DAB1: variants seen among roughly 807,000 people sequenced by gnomAD.
DAB1 encodes DAB adaptor protein 1, also known as disabled homolog 1.
DAB1 carries 15 observed loss-of-function variants against 64.6 expected under a neutral mutation model. That is an observed-to-expected ratio of 0.23 (90% confidence interval 0.16 to 0.36). The LOEUF is 0.36. Ranked by LOEUF, DAB1 falls within the 10% of genes least tolerant of loss-of-function variation. The pLI is 1.00. For missense variants in DAB1, 596 were observed against 706.7 expected, an observed-to-expected ratio of 0.84 and a Z score of 1.78; for synonymous variants, 235 against 251.9, an observed-to-expected ratio of 0.93 and a Z score of 0.64.
intron 4 of DAB1, among the ~76,000 whole-genome samples, chr1:58,280,869 T>C (rs1463604248): frequency 6.6e-6 from 1 of 152,152 alleles, no homozygotes; most frequent in African/African-American, 2.4e-5. Context: ...GAAAGATATC[T>C]GACAATCTTT....
At chr1:58,171,599 C>T (rs1263758637) in intron 4 of DAB1, among the ~76,000 whole-genome samples, 2 of 152,208 alleles carry the variant, frequency 1.3e-5, no homozygotes, top group Non-Finnish European at 2.9e-5. Context: ...TATTCCCCTG[C>T]ACTCTGACTC....
chr1:58,370,374 CGTGTGTGTGTGTGTGTGTGTGT>C (rs67230027), intron 3 of DAB1, among the ~76,000 whole-genome samples: 7 of 144,456 alleles, frequency 4.8e-5, no homozygotes, highest in East Asian at 2.0e-4. Flanking sequence ...TGAGTGTGTG[CGTGTGTGTGTGTGTGTGTGTGT>C]GTGTGTGTGT....
At chr1:57,624,084 G>A (rs1358372614) in intron 7 of DAB1, among the ~76,000 whole-genome samples, 1 of 152,192 alleles carries the variant, frequency 6.6e-6, no homozygotes, top group Admixed American at 6.5e-5. Context: ...GAGTCAAAGG[G>A]GAGAAAGTCC....
chr1:57,682,381 T>C (rs1646646346), intron 6 of DAB1, among the ~76,000 whole-genome samples: 1 of 147,474 alleles, frequency 6.8e-6, no homozygotes, highest in African/African-American at 2.5e-5. Flanking sequence ...AAAGACAAGA[T>C]GGCCTACTAG....
At chr1:57,844,624 G>C (rs981963455) in intron 1 of DAB1, among the ~76,000 whole-genome samples, 2 of 152,110 alleles carry the variant, frequency 1.3e-5, no homozygotes, top group African/African-American at 4.8e-5. Context: ...TTTCTCTCTG[G>C]TACCTTCTCT....
chr1:57,432,557 G>GT (rs1558373954), intron 7 of DAB1, among the ~76,000 whole-genome samples: 2 of 152,142 alleles, frequency 1.3e-5, no homozygotes, highest in Admixed American at 1.3e-4. Flanking sequence ...CATGAAAAAA[G>GT]TTTTTTGAAA....
intron 2 of DAB1, among the ~76,000 whole-genome samples, chr1:57,160,675 T>C (rs1044058593): frequency 6.6e-5 from 10 of 152,198 alleles, no homozygotes; most frequent in African/African-American, 2.4e-4. Context: ...ACCAGGGTAA[T>C]GAATGAGAAA....
At chr1:57,329,118 C>A (rs1297125441) in intron 1 of DAB1, among the ~76,000 whole-genome samples, 3 of 152,212 alleles carry the variant, frequency 2.0e-5, no homozygotes, top group Non-Finnish European at 2.9e-5. Context: ...CTCACACAGC[C>A]TACAACAATG....
At chr1:57,995,931 T>C (rs560120775) in intron 5 of DAB1, among the ~76,000 whole-genome samples, 1 of 152,118 alleles carries the variant, frequency 6.6e-6, no homozygotes, top group African/African-American at 2.4e-5. Context: ...GGCAAAGTCA[T>C]TGAGCTTCTT....
At chr1:57,384,451 C>T (rs1206902180) in intron 1 of DAB1, among the ~76,000 whole-genome samples, 1 of 152,180 alleles carries the variant, frequency 6.6e-6, no homozygotes, top group African/African-American at 2.4e-5. Context: ...AAGAAGTACG[C>T]ACATTTGTCT....
intron 6 of DAB1, among the ~76,000 whole-genome samples, chr1:57,689,547 C>G (rs1056742001): frequency 6.6e-6 from 1 of 152,192 alleles, no homozygotes; most frequent in African/African-American, 2.4e-5. Context: ...GAGGCCTAAT[C>G]TGAGCATGAT....
rs1644162394 is a variant in DAB1, at chr1:58,361,348, C to G, written n.258-17945G>C. ...GTGTCCCCACTAGGTGCATTCTGCT[C>G]TTCTGCAGATTGGACCACTAAGGAC... On this transcript the variant is annotated intron_variant and non_coding_transcript_variant, in intron 3 of 20. Transcript: ENST00000485760. Among the ~76,000 whole-genome samples the G allele has an allele frequency of 2.0e-5, 3 of 152,232 alleles. No individual in the cohort carries two copies. In the South Asian group the frequency reaches 6.2e-4, roughly 32 times the overall value.
At chr1:57,250,288 G>A (rs1669230348) in intron 2 of DAB1, among the ~76,000 whole-genome samples, 1 of 152,140 alleles carries the variant, frequency 6.6e-6, no homozygotes, top group African/African-American at 2.4e-5. Flanking sequence ...GATGCTGTAC[G>A]CCAATCTGTC....
At chr1:57,379,853 C>G (rs1481294560) in intron 1 of DAB1, among the ~76,000 whole-genome samples, 2 of 152,198 alleles carry the variant, frequency 1.3e-5, no homozygotes, top group Non-Finnish European at 2.9e-5. Context: ...GGCTTGCGTT[C>G]AAAATCTGCT....
intron 3 of DAB1, chr1:58,481,144 G>A: frequency 1.2e-6 from 1 of 863,088 alleles, no homozygotes; most frequent in East Asian, 2.4e-5. Context: ...GACAGTGGTG[G>A]ACAATTACAC....
At chr1:57,661,678 C>T (rs1207620293) in intron 6 of DAB1, among the ~76,000 whole-genome samples, 4 of 152,122 alleles carry the variant, frequency 2.6e-5, no homozygotes, top group African/African-American at 7.2e-5. Flanking sequence ...ATAACCTACA[C>T]ACATCCTCCC....
At chr1:57,774,556 C>G (rs368363305) in intron 6 of DAB1, among the ~76,000 whole-genome samples, 3 of 151,748 alleles carry the variant, frequency 2.0e-5, no homozygotes, top group African/African-American at 7.2e-5. Flanking sequence ...CATAGATGCC[C>G]TTTATTAGCT....
At chr1:57,215,553 T>G (rs1469427890) in intron 2 of DAB1, among the ~76,000 whole-genome samples, 1 of 152,202 alleles carries the variant, frequency 6.6e-6, no homozygotes, top group Non-Finnish European at 1.5e-5. Context: ...GACCGTGAAT[T>G]TTGTGTTCAA....
At chr1:57,070,399 G>A (rs3768192) in intron 7 of DAB1, among the ~76,000 whole-genome samples, 33,882 of 152,006 alleles carry the variant, frequency 0.22, 4,273 homozygotes, top group East Asian at 0.48. Context: ...CAGACCACAT[G>A]CTTGACCTCA....
Sources: gnomAD v4.1 joint callset for allele counts (sites outside exome capture counted in the v4.1 genomes callset) on GRCh38, gnomAD v4.1.1 for gene constraint, MANE v1.5 for transcripts, NCBI Gene and HGNC (gene_info 2026-07-23, HGNC 2026-07-21) for gene names.